FA2H: variants seen among roughly 807,000 people sequenced by gnomAD.
FA2H encodes the protein fatty acid 2-hydroxylase.
In FA2H, 22 loss-of-function variants were observed where a neutral mutation model predicts 44.9. That is an observed-to-expected ratio of 0.49 (90% CI 0.35 to 0.70). The LOEUF is 0.70. FA2H is among the 30% of genes least tolerant of loss of function. FA2H has a pLI of 0.01. For missense variants in FA2H, 501 were observed against 504.9 expected (o/e 0.99, Z 0.07); for synonymous variants, 243 against 213.2 (o/e 1.14, Z -1.22).
At chr16:74,756,402 C>T (rs1228384962) in intron 1 of FA2H, among the ~76,000 whole-genome samples, 1 of 152,078 alleles carries the variant, frequency 6.6e-6, no homozygotes, top group Non-Finnish European at 1.5e-5. Flanking sequence ...TGGGGGCTGC[C>T]GCTTGCAAGG....
At chr16:74,727,676 G>A (rs1426169580) in intron 2 of FA2H, among the ~76,000 whole-genome samples, 2 of 152,204 alleles carry the variant, frequency 1.3e-5, no homozygotes, top group African/African-American at 2.4e-5. Context: ...CATGAGCCTG[G>A]ATTTACTAGC....
At position 74,713,680 on chromosome 16, in the gene FA2H, T is replaced by C. The variant is rs950207744; in HGVS notation, c.*510A>G. Reference sequence around the variant, plus strand: ...CTGTGGGAGGCATCACGCTGTCTCTTCTTGCGAGAGCTCTTTGTCCACCTC... The same window carrying C: ...CTGTGGGAGGCATCACGCTGTCTCTCCTTGCGAGAGCTCTTTGTCCACCTC... On this transcript the variant is annotated 3_prime_UTR_variant, in exon 7 of 7. Transcript: ENST00000219368. 1.9e-5 allele frequency: 3 copies of C among 158,380 alleles called. No individual in the cohort carries two copies. The South Asian group carries it at 5.6e-4, about 30-fold the overall frequency. 9.8% of individuals were successfully genotyped at this position (158,380 alleles called of 1,614,324 possible).
intron 1 of FA2H, among the ~76,000 whole-genome samples, chr16:74,755,159 G>GGT (rs1555541209): frequency 2.7e-5 from 4 of 146,698 alleles, no homozygotes; most frequent in Non-Finnish European, 3.0e-5. Flanking sequence ...ATACATTTGT[G>GGT]TTTTTTTTTT....
chr16:74,716,273 A>C (rs1961694081), intron 6 of FA2H, 74 bp downstream of exon 6: 3 of 1,555,384 alleles, frequency 1.9e-6, no homozygotes, highest in South Asian at 1.2e-5. Flanking sequence ...TGCCGTTCCC[A>C]GGAGCTCGAT....
Position 74,774,705 on chromosome 16 carries a change from C to A in FA2H, c.51G>T (p.Gln17His). 1 of 1,366,134 alleles carries A rather than the reference C, an allele frequency of 7.3e-7. No homozygotes were observed. The highest frequency in any genetic ancestry group is 9.4e-7 in the Non-Finnish European group (1 of 1,067,016). The allele number at this position is 1,366,134 out of a possible 1,614,324, so 84.6% of individuals were successfully genotyped here. ...PAASFSPSEV[Q>H]RRLAAGACWV... ...AGCACGCGCCGGCCGCCAGGCGCCG[C>A]TGGACCTCGGAGGGCGAGAAGGAGG... The change falls in exon 1 of 7, where the codon CAG (glutamine) becomes CAT (histidine). Residue 17 changes from glutamine to histidine, a missense_variant. By Grantham distance (24) the Gln-to-His change is conservative (BLOSUM62 0). Transcript: ENST00000219368.
At position 74,740,077 on chromosome 16, in the gene FA2H, A is replaced by G; in HGVS notation, c.309T>C (p.Thr103=). The G allele has an allele frequency of 6.2e-7, 1 of 1,613,972 alleles. No homozygotes were observed. Among genetic ancestry groups the G allele is most frequent in the Admixed American group, 1.7e-5 (1 of 60,006 alleles). The change falls in exon 2 of 7, where the codon ACT becomes ACC. Residue 103 remains threonine (T), a synonymous_variant. Transcript: ENST00000219368. ...GTTCCATAGCAGGATCTGTCTTCTG[A>G]GTTTCCTCAAGGGCTACAGGCTCGT... The part of the protein sequence containing the change: ...MENEPVALEE[T]QKTDPAMEPR...
chr16:74,750,761 C>CTGTG (rs55799456), intron 1 of FA2H, among the ~76,000 whole-genome samples: 100 of 141,658 alleles, frequency 7.1e-4, no homozygotes, highest in African/African-American at 2.0e-3. Flanking sequence ...TTTTTTTTCA[C>CTGTG]TGTGTGTGTG....
intron 2 of FA2H, among the ~76,000 whole-genome samples, chr16:74,733,954 G>A (rs1962130397): frequency 6.6e-6 from 1 of 152,232 alleles, no homozygotes; most frequent in East Asian, 1.9e-4. Context: ...TGGGGAGGCA[G>A]AGGAGGAAAG....
chr16:74,734,046 C>T (rs147391646), intron 2 of FA2H, among the ~76,000 whole-genome samples: 131 of 152,368 alleles, frequency 8.6e-4, no homozygotes, highest in African/African-American at 2.9e-3. Context: ...CTCCTACTCC[C>T]ACCACATTAG....
chr16:74,733,215 C>A (rs914050773), intron 2 of FA2H, among the ~76,000 whole-genome samples: 2 of 152,204 alleles, frequency 1.3e-5, no homozygotes, highest in South Asian at 4.1e-4. Flanking sequence ...AGGCCTCGCT[C>A]TCCCTTCTGT....
chr16:74,765,709 G>A (rs868010440), intron 1 of FA2H, among the ~76,000 whole-genome samples: 1 of 151,842 alleles, frequency 6.6e-6, no homozygotes, highest in Non-Finnish European at 1.5e-5. Context: ...ACATGACCAC[G>A]CCTGGCTATG....
chr16:74,729,388 T>A (rs1056119282), intron 2 of FA2H, among the ~76,000 whole-genome samples: 2 of 152,204 alleles, frequency 1.3e-5, no homozygotes, highest in Non-Finnish European at 2.9e-5. Flanking sequence ...GCGATCCTCC[T>A]GCCTCAGCCT....
chr16:74,732,924 G>A (rs1176519352), intron 2 of FA2H, among the ~76,000 whole-genome samples: 2 of 152,194 alleles, frequency 1.3e-5, no homozygotes, highest in African/African-American at 2.4e-5. Context: ...GGTGGGAACA[G>A]AGCCCCAGCA....
At chr16:74,724,202 T>G (rs1172088806) in intron 4 of FA2H, among the ~76,000 whole-genome samples, 1 of 152,084 alleles carries the variant, frequency 6.6e-6, no homozygotes, top group Non-Finnish European at 1.5e-5. Flanking sequence ...GTGCCTGGCC[T>G]TAGCTCTCTT....
chr16:74,767,465 T>A (rs1271148378), intron 1 of FA2H, among the ~76,000 whole-genome samples: 2 of 152,222 alleles, frequency 1.3e-5, no homozygotes, highest in Non-Finnish European at 2.9e-5. Context: ...CAAAAGGGAC[T>A]CTGCAGATGT....
At chr16:74,768,642 T>C (rs1962850779) in intron 1 of FA2H, among the ~76,000 whole-genome samples, 2 of 152,202 alleles carry the variant, frequency 1.3e-5, no homozygotes, top group Non-Finnish European at 2.9e-5. Flanking sequence ...CTTTCCAAGA[T>C]GGGCTGAGCT....
intron 1 of FA2H, among the ~76,000 whole-genome samples, chr16:74,747,333 AG>A (rs1962443600): frequency 3.1e-3 from 1 of 326 alleles, no homozygotes; most frequent in East Asian, 0.5. Context: ...TAAATAAATA[AG>A]AAAGAAAGAA....
chr16:74,731,632 C>T (rs186345443), intron 2 of FA2H, among the ~76,000 whole-genome samples: 17 of 152,040 alleles, frequency 1.1e-4, no homozygotes, highest in Non-Finnish European at 1.9e-4. Context: ...ATAATCCTCC[C>T]GCCTCAGCCT....
At position 74,718,908 on chromosome 16, in the gene FA2H, A is replaced by G. The variant is rs1319150819; in HGVS notation, c.786+80T>C. ...CAGCCAGACTCCCAGGAGGCTCCGC[A>G]GCACCTGAAGCTGCGGCTGGCTGCC... On this transcript the variant is annotated intron_variant, in intron 5 of 6. Coordinates refer to ENST00000219368, the MANE Select transcript of FA2H (RefSeq NM_024306.5). The G allele has an allele frequency of 3.3e-6, 5 of 1,524,948 alleles. No homozygotes were observed. In the East Asian group the frequency reaches 9.1e-5, roughly 28 times the overall value. 94.5% of individuals were successfully genotyped at this position (1,524,948 alleles called of 1,614,324 possible).
Sources: allele counts gnomAD v4.1 joint callset (sites outside exome capture counted in the v4.1 genomes callset), GRCh38; gene constraint gnomAD v4.1.1; transcripts MANE v1.5; gene names NCBI Gene and HGNC (gene_info 2026-07-23, HGNC 2026-07-21).